Variants in ANXA8 observed in about 807,000 individuals in gnomAD.
ANXA8 encodes VAC-beta.
In ANXA8, 9 loss-of-function variants were observed where a neutral mutation model predicts 26.8. That is an observed-to-expected ratio of 0.34 (90% CI 0.20 to 0.59). ANXA8 has a LOEUF of 0.59. Among genes scored for constraint, ANXA8 ranks in the 20% least tolerant of loss-of-function variants. The probability of loss-of-function intolerance (pLI) is 0.84; values close to 1 mark genes in which losing one functional copy is unlikely to be tolerated. For synonymous variants in ANXA8, 39 were observed against 94.8 expected, an observed-to-expected ratio of 0.41 and a Z score of 3.42; for missense variants, 83 against 238.5, an observed-to-expected ratio of 0.35 and a Z score of 4.29.
the ANXA8 span, among the ~76,000 whole-genome samples, chr10:47,688,008 G>T: frequency 6.6e-6 from 1 of 151,814 alleles, no homozygotes; most frequent in Non-Finnish European, 1.5e-5. Context: ...GTTGAGACAG[G>T]AGAATTGCTT....
chr10:47,493,482 C>T, the ANXA8 span, among the ~76,000 whole-genome samples: 7 of 143,626 alleles, frequency 4.9e-5, no homozygotes, highest in East Asian at 2.6e-4. Context: ...TGTGTCCCCC[C>T]ACTCACACAA....
chr10:47,982,256 C>T, the ANXA8 span, among the ~76,000 whole-genome samples: 440 of 148,968 alleles, frequency 3.0e-3, 1 homozygote, highest in African/African-American at 0.01. Flanking sequence ...AGGCACTGCA[C>T]TCCAGCCTGG....
chr10:47,939,336 T>C, the ANXA8 span, among the ~76,000 whole-genome samples: 2 of 137,480 alleles, frequency 1.5e-5, no homozygotes, highest in African/African-American at 2.9e-5. Flanking sequence ...ACAAGTGGCA[T>C]GGTCTTGCCA....
chr10:47,892,601 C>T, the ANXA8 span, among the ~76,000 whole-genome samples: 7 of 148,510 alleles, frequency 4.7e-5, 1 homozygote, highest in East Asian at 5.8e-4. Flanking sequence ...GACCTGTCAG[C>T]GTATGGTCAA....
chr10:47,680,551 C>T, the ANXA8 span, among the ~76,000 whole-genome samples: 1 of 151,724 alleles, frequency 6.6e-6, no homozygotes, highest in Non-Finnish European at 1.5e-5. Context: ...GGGAGAATTG[C>T]TTGAACCTGG....
chr10:47,955,277 T>C, the ANXA8 span, among the ~76,000 whole-genome samples: 7 of 148,354 alleles, frequency 4.7e-5, no homozygotes, highest in Non-Finnish European at 7.4e-5. Flanking sequence ...TTAAATCTTT[T>C]TTTTTTTTTT....
upstream of ANXA8, chr10:47,484,226 G>A (rs1479252644): frequency 9.8e-6 from 7 of 711,438 alleles, no homozygotes; most frequent in Non-Finnish European, 1.6e-5. Context: ...TGGCTGTTAC[G>A]CATACTGGAA....
the ANXA8 span, among the ~76,000 whole-genome samples, chr10:47,670,904 C>T: frequency 6.7e-6 from 1 of 149,916 alleles, no homozygotes; most frequent in African/African-American, 2.5e-5. Flanking sequence ...TGTTTATTTA[C>T]CAGGTTATTT....
intron 1 of ANXA8, 74 bp downstream of exon 1, chr10:47,483,839 A>G (rs1839948105): frequency 1.9e-6 from 3 of 1,610,932 alleles, no homozygotes; most frequent in Non-Finnish European, 2.5e-6. Flanking sequence ...GCGACTTTAC[A>G]TTTCTCAGGA....
the ANXA8 span, among the ~76,000 whole-genome samples, chr10:47,733,295 C>CTTTCTTTCTTTT: frequency 1.8e-5 from 1 of 56,252 alleles, no homozygotes. Context: ...TTCTTTCTTT[C>CTTTCTTTCTTTT]TTTTTTTTCT....
At chr10:47,896,904 T>TTTTTTTTA in the ANXA8 span, among the ~76,000 whole-genome samples, 1 of 145,928 alleles carries the variant, frequency 6.9e-6, no homozygotes, top group African/African-American at 2.6e-5. Flanking sequence ...AATGAAGAGA[T>TTTTTTTTA]TTTATTTATT....
chr10:47,484,348 T>A (rs1839976898), upstream of ANXA8: 5 of 706,400 alleles, frequency 7.1e-6, no homozygotes, highest in Non-Finnish European at 1.2e-5. Flanking sequence ...CCTACCAAAG[T>A]GCTGGGATTA....
At chr10:47,675,237 T>A in the ANXA8 span, among the ~76,000 whole-genome samples, 1 of 146,364 alleles carries the variant, frequency 6.8e-6, no homozygotes, top group Non-Finnish European at 1.5e-5. Flanking sequence ...AAGCTAAACA[T>A]GAGTTTATAT....
the ANXA8 span, among the ~76,000 whole-genome samples, chr10:47,947,544 TG>T: frequency 1.3e-5 from 2 of 150,384 alleles, no homozygotes; most frequent in African/African-American, 2.5e-5. Context: ...AGGAGAGGCC[TG>T]GGGGGAGATG....
the ANXA8 span, among the ~76,000 whole-genome samples, chr10:47,544,144 G>A: frequency 8.6e-5 from 13 of 151,900 alleles, 1 homozygote; most frequent in Non-Finnish European, 1.9e-4. Context: ...AACGTAGGAT[G>A]GGGCCACATC....
chr10:47,683,271 C>T, the ANXA8 span, among the ~76,000 whole-genome samples: 2 of 146,958 alleles, frequency 1.4e-5, no homozygotes, highest in African/African-American at 5.1e-5. Context: ...CTTTGTTGCC[C>T]AGGCTGGAGT....
the ANXA8 span, among the ~76,000 whole-genome samples, chr10:47,966,140 AG>A: frequency 8.7e-6 from 1 of 115,130 alleles, no homozygotes; most frequent in African/African-American, 2.9e-5. Flanking sequence ...GTATGCCCCC[AG>A]GGGAGGAGAG....
upstream of ANXA8, among the ~76,000 whole-genome samples, chr10:47,488,042 C>T (rs1373873202): frequency 1.8e-3 from 255 of 140,906 alleles, 26 homozygotes; most frequent in East Asian, 0.053. Flanking sequence ...AAAGAGACCA[C>T]GGAGAGCTAG....
the ANXA8 span, among the ~76,000 whole-genome samples, chr10:47,522,030 G>A: frequency 2.7e-5 from 4 of 150,434 alleles, 1 homozygote; most frequent in South Asian, 2.1e-4. Flanking sequence ...CAGGTGATCC[G>A]CCTGCCACAG....
Sources: gnomAD v4.1 joint callset for allele counts (sites outside exome capture counted in the v4.1 genomes callset) on GRCh38, gnomAD v4.1.1 for gene constraint, MANE v1.5 for transcripts, NCBI Gene and HGNC (gene_info 2026-07-23, HGNC 2026-07-21) for gene names.